Variants in TMEM132C observed in about 807,000 individuals in gnomAD.
TMEM132C encodes the protein protein phosphatase 1, regulatory subunit 152.
In TMEM132C, 29 loss-of-function variants were observed where a neutral mutation model predicts 61.4. The observed-to-expected ratio is 0.47, with a 90% confidence interval of 0.35 to 0.64. The LOEUF (loss-of-function observed/expected upper bound fraction) is 0.64, where lower values mean the gene tolerates loss of function less well. TMEM132C is among the 30% of genes least tolerant of loss of function. The pLI is 0.00. For synonymous variants in TMEM132C, 656 were observed against 633.1 expected, an observed-to-expected ratio of 1.04 and a Z score of -0.54; for missense variants, 1,408 against 1,476.9, an observed-to-expected ratio of 0.95 and a Z score of 0.76.
chr12:128,534,118 T>A (rs930211022), intron 2 of TMEM132C, among the ~76,000 whole-genome samples: 3 of 152,222 alleles, frequency 2.0e-5, no homozygotes, highest in Non-Finnish European at 4.4e-5. Context: ...GTTCAAAATT[T>A]GTACTGAACA....
At chr12:128,404,676 A>T (rs1875277881) in intron 1 of TMEM132C, 2 of 151,426 alleles carry the variant, frequency 1.3e-5, no homozygotes, top group African/African-American at 4.9e-5. Flanking sequence ...CCCAGCCCAG[A>T]GAACATCAGC....
chr12:128,398,024 G>T (rs1170074354), intron 1 of TMEM132C, among the ~76,000 whole-genome samples: 1 of 152,158 alleles, frequency 6.6e-6, no homozygotes, highest in Non-Finnish European at 1.5e-5. Context: ...CCCGATTAAC[G>T]TTAAGACCGA....
intron 3 of TMEM132C, among the ~76,000 whole-genome samples, chr12:128,588,035 T>C (rs1172464656): frequency 6.6e-6 from 1 of 152,238 alleles, no homozygotes. Context: ...TATTGAATTC[T>C]TGTAACACCC....
At chr12:128,564,302 T>C (rs988202447) in intron 3 of TMEM132C, among the ~76,000 whole-genome samples, 2 of 152,168 alleles carry the variant, frequency 1.3e-5, no homozygotes, top group African/African-American at 4.8e-5. Flanking sequence ...GATATGCGGG[T>C]CACAACACCT....
intron 5 of TMEM132C, among the ~76,000 whole-genome samples, chr12:128,677,346 G>A (rs73430720): frequency 0.02 from 3,105 of 152,282 alleles, 117 homozygotes; most frequent in African/African-American, 0.071. Flanking sequence ...AAATAGAACA[G>A]AAGCGGTCCC....
intron 1 of TMEM132C, among the ~76,000 whole-genome samples, chr12:128,314,955 G>T (rs150626212): frequency 1.3e-3 from 197 of 152,266 alleles, no homozygotes; most frequent in African/African-American, 4.6e-3. Flanking sequence ...CTGTAAAATG[G>T]GAGGGAGACA....
intron 4 of TMEM132C, among the ~76,000 whole-genome samples, chr12:128,617,258 C>T (rs1408477990): frequency 6.6e-6 from 1 of 152,232 alleles, no homozygotes; most frequent in African/African-American, 2.4e-5. Flanking sequence ...AGTGGCTTCT[C>T]TTCCTTTCTC....
intron 2 of TMEM132C, among the ~76,000 whole-genome samples, chr12:128,466,069 T>C (rs1565944234): frequency 6.6e-6 from 1 of 152,058 alleles, no homozygotes; most frequent in East Asian, 1.9e-4. Flanking sequence ...GAACCATATA[T>C]CTAAGTTTTA....
chr12:128,445,520 T>C (rs1217566736), intron 2 of TMEM132C, among the ~76,000 whole-genome samples: 1 of 152,140 alleles, frequency 6.6e-6, no homozygotes, highest in African/African-American at 2.4e-5. Context: ...GGGGTGTCCG[T>C]GTGTCCAGCC....
chr12:128,459,329 G>A (rs1471670324), intron 2 of TMEM132C, among the ~76,000 whole-genome samples: 3 of 152,210 alleles, frequency 2.0e-5, no homozygotes, highest in African/African-American at 7.2e-5. Context: ...GCCTCCCTCA[G>A]GAGCCTGGTA....
At position 128,515,711 on chromosome 12, in the gene TMEM132C, T is replaced by C. The variant is rs190250446; in HGVS notation, c.975-28246T>C. On this transcript the variant is annotated intron_variant, in intron 2 of 8. Coordinates refer to ENST00000435159, the MANE Select transcript of TMEM132C (RefSeq NM_001136103.3). Reference sequence around the variant, plus strand: ...TTAGCTGGGCATGGTGGCGGGTGCCTGTAGTCCCAGCTACTTGGGAGGCTG... The same window carrying C: ...TTAGCTGGGCATGGTGGCGGGTGCCCGTAGTCCCAGCTACTTGGGAGGCTG... 5.1e-3 allele frequency among the ~76,000 whole-genome samples: 777 copies of C among 152,136 alleles called. 6 individuals are homozygous for C. Among genetic ancestry groups the C allele is most frequent in the African/African-American group, 0.018 (754 of 41,492 alleles).
chr12:128,476,750 A>G (rs1404503586), intron 2 of TMEM132C, among the ~76,000 whole-genome samples: 1 of 152,184 alleles, frequency 6.6e-6, no homozygotes, highest in Non-Finnish European at 1.5e-5. Flanking sequence ...CTGGCCAGTA[A>G]ATGTTTGATC....
intron 2 of TMEM132C, among the ~76,000 whole-genome samples, chr12:128,439,988 C>T (rs1195963087): frequency 6.6e-6 from 1 of 152,168 alleles, no homozygotes; most frequent in East Asian, 1.9e-4. Context: ...GTATGTTGCA[C>T]CATCTATTGC....
intron 1 of TMEM132C, among the ~76,000 whole-genome samples, chr12:128,388,304 G>A (rs2630218): frequency 0.3 from 45,809 of 152,170 alleles, 7,012 homozygotes; most frequent in Middle Eastern, 0.34. Flanking sequence ...GACTCCAGCC[G>A]ATGGCTGCCA....
intron 2 of TMEM132C, among the ~76,000 whole-genome samples, chr12:128,430,292 T>C (rs762380658): frequency 2.0e-5 from 3 of 152,268 alleles, no homozygotes; most frequent in Non-Finnish European, 2.9e-5. Context: ...TTGGATACCA[T>C]AGCACAAATG....
At chr12:128,493,977 G>C (rs1871845961) in intron 2 of TMEM132C, among the ~76,000 whole-genome samples, 1 of 152,116 alleles carries the variant, frequency 6.6e-6, no homozygotes, top group South Asian at 2.1e-4. Flanking sequence ...TATGATATTG[G>C]CTGTGGGTTT....
At chr12:128,624,772 C>T (rs970603470) in intron 4 of TMEM132C, among the ~76,000 whole-genome samples, 2 of 152,096 alleles carry the variant, frequency 1.3e-5, no homozygotes, top group African/African-American at 4.8e-5. Flanking sequence ...GTTCATAAAT[C>T]ACTTTACACT....
At chr12:128,701,793 G>A (rs1049234802) in intron 8 of TMEM132C, among the ~76,000 whole-genome samples, 3 of 151,982 alleles carry the variant, frequency 2.0e-5, no homozygotes, top group Non-Finnish European at 4.4e-5. Flanking sequence ...TCTGCTGTTC[G>A]AACCACCCAT....
intron 2 of TMEM132C, among the ~76,000 whole-genome samples, chr12:128,530,311 C>T (rs114151341): frequency 0.022 from 3,311 of 152,236 alleles, 126 homozygotes; most frequent in African/African-American, 0.076. Context: ...ACATCTTGCT[C>T]CCTAGAGGAA....
Sources: gnomAD v4.1 joint callset for allele counts (sites outside exome capture counted in the v4.1 genomes callset) on GRCh38, gnomAD v4.1.1 for gene constraint, MANE v1.5 for transcripts, NCBI Gene and HGNC (gene_info 2026-07-23, HGNC 2026-07-21) for gene names.